TRIP13: variants seen among roughly 807,000 people sequenced by gnomAD.
TRIP13 encodes the protein pachytene checkpoint protein 2 homolog.
In TRIP13, 25 loss-of-function variants were observed where a neutral mutation model predicts 54.4. The ratio of observed to expected loss-of-function variants is 0.46; its 90% confidence interval spans 0.33 to 0.64. TRIP13 has a LOEUF of 0.64. TRIP13 is among the 30% of genes least tolerant of loss of function. The probability of loss-of-function intolerance (pLI) is 0.02; values close to 1 mark genes in which losing one functional copy is unlikely to be tolerated. For synonymous variants in TRIP13, 207 were observed against 207.8 expected (o/e 1.00, Z 0.03); for missense variants, 373 against 534.2 (o/e 0.70, Z 2.97).
At position 908,315 on chromosome 5, in the gene TRIP13, A is replaced by G; in HGVS notation, c.760-40A>G. ...TCCCCATAGCTGCCTGTGAAGTGCC[A>G]GGCCCTGTCCTTTTTGACCCCACTG... On this transcript the variant is annotated intron_variant, in intron 8 of 12. Transcript: ENST00000166345. This position sits in a 1 kb window ranked among gnomAD's most constrained non-coding sequence, Gnocchi z 5.2. 1 of 1,601,336 alleles carries G rather than the reference A, an allele frequency of 6.2e-7. No homozygotes were observed. The highest frequency in any genetic ancestry group is 1.1e-5 in the South Asian group (1 of 90,984).
In TRIP13 at chr5:908,837, A is replaced by C. The variant is rs1317085583; in HGVS notation, c.866+376A>C. On this transcript the variant is annotated intron_variant, in intron 9 of 12. Transcript: ENST00000166345. The surrounding 1 kb of genome is among the most constrained non-coding windows in gnomAD (Gnocchi z 5.2). Reference sequence around the variant, plus strand: ...GCTGGGCATGATGGCGGGCGCCTGTAGTCCCAGCTACTCTGGAGGCTGAGG... The same window carrying C: ...GCTGGGCATGATGGCGGGCGCCTGTCGTCCCAGCTACTCTGGAGGCTGAGG... 3.3e-5 allele frequency: 9 copies of C among 274,752 alleles called. No individual in the cohort carries two copies. Among genetic ancestry groups the C allele is most frequent in the Non-Finnish European group, 5.9e-5 (9 of 152,946 alleles). The allele number at this position is 274,752 out of a possible 1,614,324, so 17.0% of individuals were successfully genotyped here. A position where few individuals can be genotyped will look rare whatever the true frequency, so the allele number is the denominator to read the frequency against.
intron 9 of TRIP13, among the ~76,000 whole-genome samples, chr5:910,291 C>A (rs1241550917): frequency 6.6e-6 from 1 of 152,260 alleles, no homozygotes; most frequent in Non-Finnish European, 1.5e-5. Flanking sequence ...CCTCCATTCT[C>A]CTGTCTCCCC....
At position 892,967 on chromosome 5, in the gene TRIP13, C is replaced by T. The variant is rs933745168; in HGVS notation, c.-32C>T. On this transcript the variant is annotated 5_prime_UTR_variant, in exon 1 of 13. Transcript: ENST00000166345. ...GGCGTGAGGTGGCGGCGGCCGCGCC[C>T]TGGTTGGGTCCCCACTGCTCTCGGG... 1 of 1,486,770 alleles carries T rather than the reference C, an allele frequency of 6.7e-7. No individual in the cohort carries two copies. Among genetic ancestry groups the T allele is most frequent in the Non-Finnish European group, 8.9e-7 (1 of 1,122,038 alleles). The allele number at this position is 1,486,770 out of a possible 1,614,324, so 92.1% of individuals were successfully genotyped here.
chr5:909,485 G>A (rs556201659), intron 9 of TRIP13, among the ~76,000 whole-genome samples: 29 of 152,286 alleles, frequency 1.9e-4, no homozygotes, highest in South Asian at 1.5e-3. Flanking sequence ...CACAGAGAGC[G>A]TATCTGGCTT....
rs1221868691 is a variant in TRIP13 at position 916,786 on chromosome 5, C to CGG, written c.1204-218_1204-217dup. 1.0e-3 allele frequency among the ~76,000 whole-genome samples: 150 copies of CGG among 148,062 alleles called. 1 individual carries two copies. Among genetic ancestry groups the CGG allele is most frequent in the African/African-American group, 3.7e-3 (141 of 37,924 alleles). On this transcript the variant is annotated intron_variant, in intron 12 of 12. Coordinates refer to ENST00000166345, the MANE Select transcript of TRIP13 (RefSeq NM_004237.4). ...GCTGTTTCTGACATTCAGGACATGG[C>CGG]GGGGGCGGGGGTCACGTAGCCACCT... is the stretch of plus-strand genomic sequence containing the variant.
At chr5:916,909 GTGCTAT>G in intron 12 of TRIP13, 93 bp from the exon 13 acceptor site, 1 of 1,004,828 alleles carries the variant, frequency 1.0e-6, no homozygotes. Flanking sequence ...ACCCCCTTCT[GTGCTAT>G]CTGCACTGTG....
At chr5:906,645 G>T (rs1042832104) in intron 6 of TRIP13, among the ~76,000 whole-genome samples, 1 of 152,118 alleles carries the variant, frequency 6.6e-6, no homozygotes, top group Non-Finnish European at 1.5e-5. Flanking sequence ...ATCTGTCTGC[G>T]GGCTTCTGAA....
chr5:903,415 T>C (rs113542960), intron 5 of TRIP13, among the ~76,000 whole-genome samples: 6,368 of 152,248 alleles, frequency 0.042, 155 homozygotes, highest in Non-Finnish European at 0.049. Context: ...TATTATAATA[T>C]TGGAATAAAG....
chr5:907,955 C>A lies in TRIP13; in HGVS notation c.673-33C>A, dbSNP rs1477637103. On this transcript the variant is annotated intron_variant, in intron 7 of 12. Transcript: ENST00000166345. This position sits in a 1 kb window ranked among gnomAD's most constrained non-coding sequence, Gnocchi z 4.1. ...TGTGCACCTGGCAGTGTGGTCCCTG[C>A]ACGTTGACACTAAAAGGGTGTTTGG... 8 of 1,609,774 alleles carry A rather than the reference C, an allele frequency of 5.0e-6. No individual in the cohort carries two copies. The highest frequency in any genetic ancestry group is 6.8e-6 in the Non-Finnish European group (8 of 1,175,970).
At position 917,177 on chromosome 5, in the gene TRIP13, G is replaced by A. The variant is rs1211840065; in HGVS notation, c.*74G>A. On this transcript the variant is annotated 3_prime_UTR_variant, in exon 13 of 13. Transcript: ENST00000166345. ...GTAAGTGAGGTTGCCCCACACAGCC[G>A]TCTCCCAGGGAATCCCTTCTGCAAA... 1.2e-5 allele frequency: 17 copies of A among 1,438,010 alleles called. No individual in the cohort carries two copies. Among genetic ancestry groups the A allele is most frequent in the Admixed American group, 5.5e-5 (3 of 54,328 alleles). The allele number at this position is 1,438,010 out of a possible 1,614,324, so 89.1% of individuals were successfully genotyped here. A position where few individuals can be genotyped will look rare whatever the true frequency, so the allele number is the denominator to read the frequency against.
At chr5:906,628 C>T (rs894199183) in intron 6 of TRIP13, among the ~76,000 whole-genome samples, 2 of 152,170 alleles carry the variant, frequency 1.3e-5, no homozygotes, top group African/African-American at 4.8e-5. Context: ...CAGCTAAGCA[C>T]GCCCAGATCT....
In TRIP13 at chr5:917,236, A is replaced by C. The variant is rs139489763; in HGVS notation, c.*133A>C. 7.9e-3 allele frequency: 5,893 copies of C among 747,846 alleles called. 37 individuals carry two copies. The highest frequency in any genetic ancestry group is 9.2e-3 in the Middle Eastern group (34 of 3,692). 46.3% of individuals were successfully genotyped at this position (747,846 alleles called of 1,614,324 possible). On this transcript the variant is annotated 3_prime_UTR_variant, in exon 13 of 13. Coordinates refer to ENST00000166345, the MANE Select transcript of TRIP13 (RefSeq NM_004237.4). ...TACTTAGACTGCAAGCTAGAAAGCCACCAAGGCCAGGCTTTGTTAAAAGAA... is the reference window on the plus strand; with the variant it reads ...TACTTAGACTGCAAGCTAGAAAGCCCCCAAGGCCAGGCTTTGTTAAAAGAA...
At position 892,928 on chromosome 5, in the gene TRIP13, T is replaced by C; in HGVS notation, c.-71T>C. On this transcript the variant is annotated 5_prime_UTR_variant, in exon 1 of 13. Transcript: ENST00000166345. ...GGCCCGCGGGCTGAGGCAGCGGCTGTGGCGGCGACGCTGGGCGTGAGGTGG... is the reference window on the plus strand; with the variant it reads ...GGCCCGCGGGCTGAGGCAGCGGCTGCGGCGGCGACGCTGGGCGTGAGGTGG... 2.2e-6 allele frequency: 3 copies of C among 1,354,078 alleles called. No individual in the cohort carries two copies. The highest frequency in any genetic ancestry group is 2.9e-6 in the Non-Finnish European group (3 of 1,034,878). The allele number at this position is 1,354,078 out of a possible 1,614,324, so 83.9% of individuals were successfully genotyped here.
chr5:914,705 A>G, intron 11 of TRIP13, 128 bp downstream of exon 11: 1 of 704,440 alleles, frequency 1.4e-6, no homozygotes, highest in Non-Finnish European at 2.5e-6. Context: ...ATAGGTATGA[A>G]CATGCATGTA....
At chr5:903,533 G>A (rs1338264087) in intron 5 of TRIP13, among the ~76,000 whole-genome samples, 6 of 151,934 alleles carry the variant, frequency 3.9e-5, no homozygotes, top group Admixed American at 3.3e-4. Context: ...GGAACAGCTC[G>A]TGCCCTCGGT....
chr5:903,834 A>C (rs1386932923), intron 5 of TRIP13, among the ~76,000 whole-genome samples: 1 of 152,212 alleles, frequency 6.6e-6, no homozygotes, highest in African/African-American at 2.4e-5. Context: ...TGTAGGCTAG[A>C]AAATGCAATG....
At chr5:904,259 T>C (rs12518024) in intron 6 of TRIP13, 39 bp downstream of exon 6, 1 of 1,536,884 alleles carries the variant, frequency 6.5e-7, no homozygotes, top group South Asian at 1.2e-5. Flanking sequence ...GCCATGGGAA[T>C]GGGATTTATA....
chr5:911,413 T>C lies in TRIP13; in HGVS notation c.867-430T>C, dbSNP rs988027421. 1.3e-4 allele frequency among the ~76,000 whole-genome samples: 20 copies of C among 151,088 alleles called. No homozygotes were observed. The highest frequency in any genetic ancestry group is 4.1e-4 in the African/African-American group (17 of 41,018). The stretch of plus-strand genomic sequence containing the variant: ...GGTGAAACCCCGTCTCCACTAAAAA[T>C]ACAAAAAATTAGCCGGGCACGGTGG... On this transcript the variant is annotated intron_variant, in intron 9 of 12. Transcript: ENST00000166345. This position sits in a 1 kb window ranked among gnomAD's most constrained non-coding sequence, Gnocchi z 4.7.
chr5:895,080 G>A, intron 2 of TRIP13, 128 bp downstream of exon 2: 1 of 1,076,084 alleles, frequency 9.3e-7, no homozygotes, highest in Non-Finnish European at 1.3e-6. Flanking sequence ...TGGGTGGCTA[G>A]ACAAGTTCTT....
Sources: gnomAD v4.1 joint callset for allele counts (sites outside exome capture counted in the v4.1 genomes callset) on GRCh38, gnomAD v4.1.1 for gene constraint, Gnocchi (gnomAD v3.1) non-coding constraint, MANE v1.5 for transcripts, NCBI Gene and HGNC (gene_info 2026-07-23, HGNC 2026-07-21) for gene names.